Variants in DOCK1 observed in about 807,000 individuals in gnomAD.
DOCK1 encodes dedicator of cytokinesis protein 1.
DOCK1 carries 138 observed loss-of-function variants against 262.7 expected under a neutral mutation model. The observed-to-expected ratio is 0.53, with a 90% CI of 0.46 to 0.61. DOCK1 has a LOEUF of 0.61. Among genes scored for constraint, DOCK1 ranks in the 20% least tolerant of loss-of-function variants. The probability of loss-of-function intolerance (pLI) is 0.00; values close to 1 mark genes in which losing one functional copy is unlikely to be tolerated. For synonymous variants in DOCK1, 866 were observed against 867.4 expected, an observed-to-expected ratio of 1.00 and a Z score of 0.03; for missense variants, 1,908 against 2,370.7, an observed-to-expected ratio of 0.80 and a Z score of 4.05.
chr10:127,003,825 A>G (rs1249303521), intron 10 of DOCK1, among the ~76,000 whole-genome samples: 1 of 152,072 alleles, frequency 6.6e-6, no homozygotes, highest in Non-Finnish European at 1.5e-5. Flanking sequence ...ATGGTGGTGC[A>G]TGCCTGTAGT....
chr10:127,310,822 TA>T (rs1437836564), intron 29 of DOCK1, among the ~76,000 whole-genome samples: 1 of 152,004 alleles, frequency 6.6e-6, no homozygotes, highest in Non-Finnish European at 1.5e-5. Flanking sequence ...TGCCCCAAAC[TA>T]GGAGACTGAT....
chr10:127,398,392 G>A (rs1045995483), intron 38 of DOCK1, among the ~76,000 whole-genome samples: 1 of 152,140 alleles, frequency 6.6e-6, no homozygotes, highest in Admixed American at 6.5e-5. Flanking sequence ...CCTCACCAGG[G>A]CCGCCAGCCC....
chr10:127,101,881 C>T (rs184211565), intron 23 of DOCK1, among the ~76,000 whole-genome samples: 1 of 152,318 alleles, frequency 6.6e-6, no homozygotes, highest in African/African-American at 2.4e-5. Flanking sequence ...GACCGGGAGA[C>T]TGAGCAATCA....
In DOCK1 at chr10:126,922,314, C is replaced by T. The variant is rs569871654; in HGVS notation, c.46+16751C>T. Among the ~76,000 whole-genome samples, 11 of 151,508 alleles carry T rather than the reference C, an allele frequency of 7.3e-5. No homozygotes were observed. The South Asian group carries it at 8.4e-4, about 12-fold the overall frequency. ...TGGCATCTGCTTCTGGAGAGGCATCCGGAAACTTCCAATCATGGCAGAAGG... is the reference window on the plus strand; with the variant it reads ...TGGCATCTGCTTCTGGAGAGGCATCTGGAAACTTCCAATCATGGCAGAAGG... On this transcript the variant is annotated intron_variant, in intron 1 of 51. Transcript: ENST00000623213.
chr10:127,334,300 T>C (rs951584193), intron 29 of DOCK1, among the ~76,000 whole-genome samples: 7 of 152,246 alleles, frequency 4.6e-5, no homozygotes, highest in Non-Finnish European at 7.3e-5. Flanking sequence ...TGTGTATGTG[T>C]AGGCTACAAT....
At chr10:126,970,500 A>G (rs554726023) in intron 1 of DOCK1, among the ~76,000 whole-genome samples, 1 of 152,286 alleles carries the variant, frequency 6.6e-6, no homozygotes, top group African/African-American at 2.4e-5. Context: ...GGTAGTTATG[A>G]ATTTCTCCTC....
At chr10:127,256,020 G>A (rs909107828) in intron 28 of DOCK1, among the ~76,000 whole-genome samples, 6 of 152,290 alleles carry the variant, frequency 3.9e-5, no homozygotes, top group East Asian at 1.9e-4. Context: ...CAGTGCCCAC[G>A]TACAGAGTTT....
chr10:127,036,981 G>A (rs1486606760), intron 18 of DOCK1, among the ~76,000 whole-genome samples: 59 of 127,994 alleles, frequency 4.6e-4, no homozygotes, highest in East Asian at 2.8e-3. Context: ...CCATCTCAAG[G>A]AAAAAAAAAA....
In DOCK1 at chr10:127,447,463, G is replaced by A. The variant is rs1210855739; in HGVS notation, c.5483G>A (p.Ser1828Asn). The A allele has an allele frequency of 6.2e-7, 1 of 1,613,788 alleles. No individual in the cohort carries two copies. The highest frequency in any genetic ancestry group is 8.5e-7 in the Non-Finnish European group (1 of 1,179,798). Residue 1828 changes from serine (S) to asparagine (N), a missense_variant, in exon 51 of 52, where the codon AGC becomes AAC. Physicochemically the swap from Ser to Asn is conservative, Grantham distance 46. Transcript: ENST00000623213. ...DVPPPLPLKGSVADYGNLMEN... is the reference protein window; with the variant it reads ...DVPPPLPLKGNVADYGNLMEN... ...CCACCCCCTCTGCCTCTCAAAGGCA[G>A]CGTGGCAGATTACGGGAATTTGATG...
intron 29 of DOCK1, among the ~76,000 whole-genome samples, chr10:127,260,871 A>ATGTG (rs140171742): frequency 0.38 from 27,712 of 72,196 alleles, 5,239 homozygotes; most frequent in East Asian, 0.44. Context: ...GTGTGTGTGC[A>ATGTG]TGTGTGTGTG....
Position 127,425,035 on chromosome 10 carries a change from C to T in DOCK1, c.4777-839C>T, listed in dbSNP as rs60854022. Reference sequence around the variant, plus strand: ...TGAAATTCAATTGTGTACTTATTATCGTTCATACTAATAAATCTGCTCATT... The same window carrying T: ...TGAAATTCAATTGTGTACTTATTATTGTTCATACTAATAAATCTGCTCATT... On this transcript the variant is annotated intron_variant, in intron 46 of 51. Coordinates refer to ENST00000623213, the MANE Select transcript of DOCK1 (RefSeq NM_001290223.2). Among the ~76,000 whole-genome samples, 605 of 151,392 alleles carry T rather than the reference C, an allele frequency of 4.0e-3. 3 individuals are homozygous for T. Among genetic ancestry groups the T allele is most frequent in the African/African-American group, 0.014 (574 of 41,486 alleles).
chr10:127,048,082 A>G (rs1039024139), intron 21 of DOCK1, among the ~76,000 whole-genome samples: 3 of 152,210 alleles, frequency 2.0e-5, no homozygotes, highest in Admixed American at 1.3e-4. Flanking sequence ...TTTGTAAGAT[A>G]TTGCGAGACA....
intron 10 of DOCK1, among the ~76,000 whole-genome samples, chr10:127,004,526 C>T (rs529159094): frequency 5.7e-4 from 86 of 151,932 alleles, no homozygotes; most frequent in African/African-American, 1.9e-3. Context: ...GAAGGCAGAT[C>T]GCTTGAGCCC....
In DOCK1 at chr10:127,127,657, G is replaced by T. The variant is rs758131989; in HGVS notation, c.2752-12G>T. ...CTCTGGTGTTGGTGTTCATTGGTGT[G>T]TCCTTCCCCAGGGGCCAACCCAGAG... On this transcript the variant is annotated splice_polypyrimidine_tract_variant and intron_variant, in intron 26 of 51. Transcript: ENST00000623213. The T allele has an allele frequency of 1.9e-6, 3 of 1,608,338 alleles. No individual in the cohort carries two copies. Among genetic ancestry groups the T allele is most frequent in the Non-Finnish European group, 2.6e-6 (3 of 1,175,464 alleles).
chr10:126,976,368 G>C (rs1224780477), intron 2 of DOCK1, among the ~76,000 whole-genome samples: 3 of 152,206 alleles, frequency 2.0e-5, no homozygotes, highest in Admixed American at 1.3e-4. Flanking sequence ...CTGGGTCTTA[G>C]CAAAACCTTT....
chr10:127,302,913 C>A (rs967762521), intron 29 of DOCK1, among the ~76,000 whole-genome samples: 1 of 152,068 alleles, frequency 6.6e-6, no homozygotes. Context: ...AGAAAAGATG[C>A]CTCATTCTTT....
chr10:127,384,493 G>A (rs2065994303), intron 37 of DOCK1, among the ~76,000 whole-genome samples: 1 of 152,234 alleles, frequency 6.6e-6, no homozygotes, highest in African/African-American at 2.4e-5. Flanking sequence ...CCTGGCTCCT[G>A]ATTTGTCCCG....
At chr10:127,396,297 C>T (rs2066839567) in intron 38 of DOCK1, among the ~76,000 whole-genome samples, 1 of 150,800 alleles carries the variant, frequency 6.6e-6, no homozygotes, top group African/African-American at 2.4e-5. Flanking sequence ...TTTGTTGACT[C>T]CCCAGCCTGT....
intron 29 of DOCK1, among the ~76,000 whole-genome samples, chr10:127,265,764 C>T (rs1421193760): frequency 6.6e-6 from 1 of 152,146 alleles, no homozygotes; most frequent in Non-Finnish European, 1.5e-5. Context: ...TATCAGAGTC[C>T]AGGATGGCAA....
Sources: gnomAD v4.1 joint callset for allele counts (sites outside exome capture counted in the v4.1 genomes callset) on GRCh38, gnomAD v4.1.1 for gene constraint, MANE v1.5 for transcripts, NCBI Gene and HGNC (gene_info 2026-07-23, HGNC 2026-07-21) for gene names.